Variants in AGMO observed in about 807,000 individuals in gnomAD.
AGMO encodes the protein alkylglycerol monooxygenase, also known as glyceryl-ether monooxygenase.
AGMO carries 75 observed loss-of-function variants against 60.2 expected under a neutral mutation model. The observed-to-expected ratio is 1.25, with a 90% CI of 1.03 to 1.51. The LOEUF (loss-of-function observed/expected upper bound fraction) is 1.51, where lower values mean the gene tolerates loss of function less well. Among genes scored for constraint, AGMO ranks in the 40% most tolerant of loss-of-function variants. AGMO has a pLI of 0.00. For synonymous variants in AGMO, 261 were observed against 177.1 expected, an observed-to-expected ratio of 1.47 and a Z score of -3.76; for missense variants, 763 against 525.5, an observed-to-expected ratio of 1.45 and a Z score of -4.42.
At chr7:15,322,539 T>A (rs1389985583) in intron 12 of AGMO, among the ~76,000 whole-genome samples, 75 of 54,968 alleles carry the variant, frequency 1.4e-3, no homozygotes, top group African/African-American at 4.0e-3. Context: ...TATATAAATA[T>A]ATATATAAAT....
intron 3 of AGMO, among the ~76,000 whole-genome samples, chr7:15,534,151 T>C (rs1344468263): frequency 2.6e-5 from 4 of 152,056 alleles, no homozygotes; most frequent in African/African-American, 7.2e-5. Context: ...TTTAGCAATT[T>C]TTTTCAAGTC....
chr7:15,240,774 A>G (rs547245558), intron 12 of AGMO, among the ~76,000 whole-genome samples: 1 of 152,294 alleles, frequency 6.6e-6, no homozygotes, highest in South Asian at 2.1e-4. Flanking sequence ...ACAATTCCTG[A>G]ACACATGCAA....
intron 12 of AGMO, among the ~76,000 whole-genome samples, chr7:15,260,078 C>G (rs1473252209): frequency 6.6e-6 from 1 of 150,840 alleles, no homozygotes; most frequent in African/African-American, 2.4e-5. Context: ...AGAATAATAC[C>G]TCACATCTGA....
chr7:15,146,925 G>C, the AGMO span, among the ~76,000 whole-genome samples: 1 of 152,132 alleles, frequency 6.6e-6, no homozygotes, highest in African/African-American at 2.4e-5. Context: ...GTTTCAGTGT[G>C]CCAATAAATT....
At chr7:15,341,958 A>T (rs1781862547) in intron 12 of AGMO, among the ~76,000 whole-genome samples, 1 of 151,904 alleles carries the variant, frequency 6.6e-6, no homozygotes, top group African/African-American at 2.4e-5. Context: ...AGTCCCTCCC[A>T]TGGCACGTAG....
intron 12 of AGMO, among the ~76,000 whole-genome samples, chr7:15,326,062 TAAATA>T (rs1374803526): frequency 6.6e-6 from 1 of 152,126 alleles, no homozygotes; most frequent in Non-Finnish European, 1.5e-5. Flanking sequence ...AGTGCTAAAT[TAAATA>T]ATAGATACAG....
At chr7:15,376,262 A>G (rs1043205119) in intron 10 of AGMO, among the ~76,000 whole-genome samples, 2 of 152,060 alleles carry the variant, frequency 1.3e-5, no homozygotes, top group Non-Finnish European at 2.9e-5. Flanking sequence ...GGGATAGACT[A>G]GAGAAAAACA....
At chr7:15,299,393 C>G (rs1434450492) in intron 12 of AGMO, among the ~76,000 whole-genome samples, 1 of 152,138 alleles carries the variant, frequency 6.6e-6, no homozygotes, top group Non-Finnish European at 1.5e-5. Context: ...CGAGCAGACT[C>G]TCTGAACACC....
intron 3 of AGMO, among the ~76,000 whole-genome samples, chr7:15,488,457 C>G (rs1014129348): frequency 6.6e-6 from 1 of 152,138 alleles, no homozygotes; most frequent in African/African-American, 2.4e-5. Flanking sequence ...TTGAAGACTA[C>G]TTTAAGCTAG....
intron 3 of AGMO, among the ~76,000 whole-genome samples, chr7:15,530,670 T>TATATATTCTATATACGTATTTCTAC (rs1784287473): frequency 1.4e-5 from 2 of 139,120 alleles, no homozygotes; most frequent in Admixed American, 7.6e-5. Context: ...CGTATTTCTA[T>TATATATTCTATATACGTATTTCTAC]ATATATATTC....
At chr7:15,287,647 ACT>A (rs1454681679) in intron 12 of AGMO, among the ~76,000 whole-genome samples, 1 of 152,324 alleles carries the variant, frequency 6.6e-6, no homozygotes, top group African/African-American at 2.4e-5. Flanking sequence ...TCCAAAACAC[ACT>A]GAGAATTTGT....
At chr7:15,198,897 G>C (rs780442164), downstream of AGMO, among the ~76,000 whole-genome samples, 1 of 152,292 alleles carries the variant, frequency 6.6e-6, no homozygotes, top group East Asian at 1.9e-4. Context: ...GGGAGAGTTC[G>C]AATCTTGTAG....
chr7:15,512,392 A>T (rs947002809), intron 3 of AGMO, among the ~76,000 whole-genome samples: 7 of 152,162 alleles, frequency 4.6e-5, no homozygotes, highest in Admixed American at 2.6e-4. Flanking sequence ...AGCTGGGACC[A>T]CAGGCGAATA....
rs1361360921 is a variant in AGMO, at chr7:15,465,334, T to A, written c.410-34226A>T. On this transcript the variant is annotated intron_variant, in intron 3 of 12. Transcript: ENST00000342526. ...AAGTCTTCCGAAATTAGAGTGTGTG[T>A]GTGCGTGTGTGTATATACACACGCA... Among the ~76,000 whole-genome samples the A allele has an allele frequency of 2.7e-5, 4 of 150,868 alleles. No homozygotes were observed. In the East Asian group the frequency reaches 7.8e-4, roughly 30 times the overall value.
At chr7:15,332,970 C>G (rs1781543071) in intron 12 of AGMO, among the ~76,000 whole-genome samples, 2 of 152,210 alleles carry the variant, frequency 1.3e-5, no homozygotes, top group Admixed American at 1.3e-4. Context: ...TGTTGTGCTT[C>G]TCCCTGCCTT....
intron 8 of AGMO, among the ~76,000 whole-genome samples, chr7:15,389,262 A>G (rs1448859684): frequency 6.6e-6 from 1 of 151,922 alleles, no homozygotes; most frequent in Non-Finnish European, 1.5e-5. Flanking sequence ...TCACATGAAC[A>G]TTAAGTTTGC....
chr7:15,180,765 T>C, the AGMO span, among the ~76,000 whole-genome samples: 2 of 152,196 alleles, frequency 1.3e-5, no homozygotes, highest in Non-Finnish European at 2.9e-5. Context: ...TCAGTATTTA[T>C]TTTCTGTTTT....
chr7:15,272,109 G>A (rs1783628780), intron 12 of AGMO, among the ~76,000 whole-genome samples: 1 of 151,816 alleles, frequency 6.6e-6, no homozygotes, highest in South Asian at 2.1e-4. Flanking sequence ...TTGCATATAT[G>A]TTTATCAGGG....
chr7:15,292,520 A>G (rs529760001), intron 12 of AGMO, among the ~76,000 whole-genome samples: 1 of 152,164 alleles, frequency 6.6e-6, no homozygotes, highest in Non-Finnish European at 1.5e-5. Flanking sequence ...AGTACTGTGA[A>G]CATGATAGTG....
Sources: gnomAD v4.1 joint callset for allele counts (sites outside exome capture counted in the v4.1 genomes callset) on GRCh38, gnomAD v4.1.1 for gene constraint, MANE v1.5 for transcripts, NCBI Gene and HGNC (gene_info 2026-07-23, HGNC 2026-07-21) for gene names.